Variants in NEUROG1 observed in about 807,000 individuals in gnomAD.
The protein encoded by NEUROG1 is neurogenin 1.
Under a neutral mutation model 5.7 loss-of-function variants are expected in NEUROG1, and 5 were observed. The ratio of observed to expected loss-of-function variants is 0.88; its 90% confidence interval spans 0.46 to 1.85. NEUROG1 has a LOEUF of 1.85. Ranked by LOEUF, NEUROG1 falls within the 40% of genes most tolerant of loss-of-function variation. NEUROG1 has a pLI of 0.01. For synonymous variants in NEUROG1, 196 were observed against 157.4 expected (o/e 1.25, Z -1.84); for missense variants, 403 against 345.7 (o/e 1.17, Z -1.32).
rs1438204264 is a variant in NEUROG1 at position 135,534,447 on chromosome 5, A to G, written c.*530T>C. 1.9e-5 allele frequency: 3 copies of G among 154,926 alleles called. No homozygotes were observed. The East Asian group carries it at 5.8e-4, about 30-fold the overall frequency. 9.6% of individuals were successfully genotyped at this position (154,926 alleles called of 1,614,324 possible). ...AGCCCTGTGCCTGAATAGCTAAGCA[A>G]GAGTCTCCAGTTCTTCCTAGAGCGA... On this transcript the variant is annotated 3_prime_UTR_variant, in exon 1 of 1. Transcript: ENST00000314744.
chr5:135,534,908 C>A lies in NEUROG1; in HGVS notation c.*69G>T. 4 of 1,475,314 alleles carry A rather than the reference C, an allele frequency of 2.7e-6. No individual in the cohort carries two copies. Among genetic ancestry groups the A allele is most frequent in the Non-Finnish European group, 3.7e-6 (4 of 1,090,068 alleles). 91.4% of individuals were successfully genotyped at this position (1,475,314 alleles called of 1,614,324 possible). A position where few individuals can be genotyped will look rare whatever the true frequency, so the allele number is the denominator to read the frequency against. The stretch of plus-strand genomic sequence containing the variant: ...TCCGCCTGGAGAGGGGGTCCCGAGG[C>A]GGCAGCTGGGGCCCCATCTATTGCC... On this transcript the variant is annotated 3_prime_UTR_variant, in exon 1 of 1. Transcript: ENST00000314744.
In NEUROG1 at chr5:135,535,960, GT is replaced by G. The variant is rs1561731368; in HGVS notation, c.-271del. The stretch of plus-strand genomic sequence containing the variant: ...AGATCAGCTCGTGTGAGCACCGAGT[GT>G]GGCACACGACTGGCCTCAGGACCCC... On this transcript the variant is annotated 5_prime_UTR_variant, in exon 1 of 1. Coordinates refer to ENST00000314744, the MANE Select transcript of NEUROG1 (RefSeq NM_006161.3). The G allele has an allele frequency of 2.6e-6, 1 of 382,862 alleles. No homozygotes were observed. The highest frequency in any genetic ancestry group is 4.6e-6 in the Non-Finnish European group (1 of 215,282). 23.7% of individuals were successfully genotyped at this position (382,862 alleles called of 1,614,324 possible).
Position 135,535,144 on chromosome 5 carries a change from C to A in NEUROG1, c.547G>T (p.Ala183Ser). 2 of 1,608,616 alleles carry A rather than the reference C, an allele frequency of 1.2e-6. No homozygotes were observed. Among genetic ancestry groups the A allele is most frequent in the Non-Finnish European group, 1.7e-6 (2 of 1,177,574 alleles). Residue 183 changes from alanine (A) to serine (S), a missense_variant, in exon 1 of 1, where the codon GCG becomes TCG. Physicochemically the swap from Ala to Ser is moderately conservative, Grantham distance 99. Coordinates refer to ENST00000314744, the MANE Select transcript of NEUROG1 (RefSeq NM_006161.3). ...GCGGCACCTGAGCCCCAGGACTCCG[C>A]GTCGCTGGCGGGGCTTGGGGGACCG... ...LPGPPSPASDAESWGSGAAAA... is the reference protein window; with the variant it reads ...LPGPPSPASDSESWGSGAAAA...
chr5:135,535,111 AGGC>A lies in NEUROG1; in HGVS notation c.577_579del (p.Ala193del). 2 of 1,610,698 alleles carry A rather than the reference AGGC, an allele frequency of 1.2e-6. No homozygotes were observed. The highest frequency in any genetic ancestry group is 1.7e-6 in the Non-Finnish European group (2 of 1,178,678). On this transcript the variant is annotated inframe_deletion, in exon 1 of 1. Coordinates refer to ENST00000314744, the MANE Select transcript of NEUROG1 (RefSeq NM_006161.3). ...GGGCTACTGGGGTCAGAGAGCGGGG[AGGC>A]GGCGGCGGCACCTGAGCCCCAGGAC...
chr5:135,535,001 C>T lies in NEUROG1; in HGVS notation c.690G>A (p.Thr230=), dbSNP rs748289071. ...CCTAGTGGTAAGGAATGAAACAGGG[C>T]GTTGTGTGGAGCAAGTCTTTGGGCA... The part of the protein sequence containing the change: ...PSLPKDLLHT[T]PCFIPYH The change falls in exon 1 of 1, where the codon ACG becomes ACA. Residue 230 remains threonine, a synonymous_variant. Transcript: ENST00000314744. 2.5e-5 allele frequency: 41 copies of T among 1,613,838 alleles called. No individual in the cohort carries two copies. Among genetic ancestry groups the T allele is most frequent in the Non-Finnish European group, 3.1e-5 (37 of 1,179,878 alleles).
At position 135,535,946 on chromosome 5, in the gene NEUROG1, T is replaced by C; in HGVS notation, c.-256A>G. ...TGTCGCCGGCGATCAGATCAGCTCG[T>C]GTGAGCACCGAGTGTGGCACACGAC... On this transcript the variant is annotated 5_prime_UTR_variant, in exon 1 of 1. Coordinates refer to ENST00000314744, the MANE Select transcript of NEUROG1 (RefSeq NM_006161.3). 2.5e-6 allele frequency: 1 copy of C among 405,988 alleles called. No individual in the cohort carries two copies. The highest frequency in any genetic ancestry group is 7.5e-5 in the South Asian group (1 of 13,314). 25.1% of individuals were successfully genotyped at this position (405,988 alleles called of 1,614,324 possible).
In NEUROG1 at chr5:135,534,284, ATT is replaced by A. The variant is rs543926958; in HGVS notation, c.*691_*692del. 1.2e-4 allele frequency: 19 copies of A among 152,758 alleles called. No individual in the cohort carries two copies. In the East Asian group the frequency reaches 3.7e-3, roughly 29 times the overall value. 9.5% of individuals were successfully genotyped at this position (152,758 alleles called of 1,614,324 possible). A position where few individuals can be genotyped will look rare whatever the true frequency, so the allele number is the denominator to read the frequency against. ...TATTAGGCAAGAAACTTGGCGACTT[ATT>A]TTTAGTTTTTATTTACATGAAGCGT... is the stretch of plus-strand genomic sequence containing the variant. On this transcript the variant is annotated 3_prime_UTR_variant, in exon 1 of 1. Coordinates refer to ENST00000314744, the MANE Select transcript of NEUROG1 (RefSeq NM_006161.3).
chr5:135,535,702 G>A lies in NEUROG1; in HGVS notation c.-12C>T. The A allele has an allele frequency of 6.6e-7, 1 of 1,519,956 alleles. No individual in the cohort carries two copies. The highest frequency in any genetic ancestry group is 8.8e-7 in the Non-Finnish European group (1 of 1,138,676). The allele number at this position is 1,519,956 out of a possible 1,614,324, so 94.2% of individuals were successfully genotyped here. ...AGGCGGGCTGGCATCGTTGCGCTGT[G>A]CAGGACCGACGGACAGATAGAAAGG... On this transcript the variant is annotated 5_prime_UTR_variant, in exon 1 of 1. Coordinates refer to ENST00000314744, the MANE Select transcript of NEUROG1 (RefSeq NM_006161.3).
In NEUROG1 at chr5:135,535,022, G is replaced by C. The variant is rs1476105921; in HGVS notation, c.669C>G (p.Pro223=). 3.1e-6 allele frequency: 5 copies of C among 1,614,084 alleles called. No individual in the cohort carries two copies. In the East Asian group the frequency reaches 1.1e-4, roughly 36 times the overall value. ...AGGGCGTTGTGTGGAGCAAGTCTTT[G>C]GGCAGGCTTGGGAAGGAGAAAACAG... ...GDPVFSFPSL[P]KDLLHTTPCF... is the part of the protein sequence containing the mutation. Residue 223 remains proline (P), a synonymous_variant, in exon 1 of 1, where the codon CCC becomes CCG. Coordinates refer to ENST00000314744, the MANE Select transcript of NEUROG1 (RefSeq NM_006161.3).
chr5:135,535,793 C>CCCAGGCTGT lies in NEUROG1; in HGVS notation c.-104_-103insACAGCCTGG. 1.8e-6 allele frequency: 2 copies of CCCAGGCTGT among 1,123,952 alleles called. No homozygotes were observed. The highest frequency in any genetic ancestry group is 2.5e-6 in the Non-Finnish European group (2 of 809,520). The allele number at this position is 1,123,952 out of a possible 1,614,324, so 69.6% of individuals were successfully genotyped here. A position where few individuals can be genotyped will look rare whatever the true frequency, so the allele number is the denominator to read the frequency against. ...AGGGCGCACTTACGTTCCCAACAGC[C>CCCAGGCTGT]TGGGGTTGTTACTCTGTGCCAGTTG... is the stretch of plus-strand genomic sequence containing the variant. On this transcript the variant is annotated 5_prime_UTR_variant, in exon 1 of 1. Coordinates refer to ENST00000314744, the MANE Select transcript of NEUROG1 (RefSeq NM_006161.3).
chr5:135,535,810 T>G lies in NEUROG1; in HGVS notation c.-120A>C. 1.0e-6 allele frequency: 1 copy of G among 980,970 alleles called. No homozygotes were observed. Among genetic ancestry groups the G allele is most frequent in the Non-Finnish European group, 1.5e-6 (1 of 689,366 alleles). The allele number at this position is 980,970 out of a possible 1,614,324, so 60.8% of individuals were successfully genotyped here. On this transcript the variant is annotated 5_prime_UTR_variant, in exon 1 of 1. Transcript: ENST00000314744. ...CCAACAGCCTGGGGTTGTTACTCTGTGCCAGTTGCGGGTGCGAGAGCCTGG... is the reference window on the plus strand; with the variant it reads ...CCAACAGCCTGGGGTTGTTACTCTGGGCCAGTTGCGGGTGCGAGAGCCTGG...
In NEUROG1 at chr5:135,535,210, G is replaced by C. The variant is rs1280323656; in HGVS notation, c.481C>G (p.Arg161Gly). The change falls in exon 1 of 1, where the codon CGG becomes GGG. Residue 161 changes from arginine to glycine, a missense_variant. Coordinates refer to ENST00000314744, the MANE Select transcript of NEUROG1 (RefSeq NM_006161.3). Reference protein sequence around the residue: ...ADQGLPGGGARERLLPPQCVP... With the variant: ...ADQGLPGGGAGERLLPPQCVP... ...CACTGCGGCGGCAGGAGGCGCTCCC[G>C]GGCACCGCCTCCGGGCAGCCCTTGA... 6.2e-7 allele frequency: 1 copy of C among 1,611,220 alleles called. No homozygotes were observed. The highest frequency in any genetic ancestry group is 8.5e-7 in the Non-Finnish European group (1 of 1,179,034).
Position 135,535,311 on chromosome 5 carries a change from T to C in NEUROG1, c.380A>G (p.Lys127Arg), listed in dbSNP as rs975241620. Residue 127 changes from lysine (K) to arginine (R), a missense_variant, in exon 1 of 1, where the codon AAG becomes AGG. Coordinates refer to ENST00000314744, the MANE Select transcript of NEUROG1 (RefSeq NM_006161.3). ...SVLPSFPDDT[K>R]LTKIETLRFA... is the part of the protein sequence containing the mutation. The stretch of plus-strand genomic sequence containing the variant: ...GCGCAGCGTCTCGATTTTGGTGAGC[T>C]TGGTGTCGTCGGGGAACGAGGGCAG... 1 of 1,613,560 alleles carries C rather than the reference T, an allele frequency of 6.2e-7. No individual in the cohort carries two copies. The highest frequency in any genetic ancestry group is 8.5e-7 in the Non-Finnish European group (1 of 1,179,670).
At position 135,535,346 on chromosome 5, in the gene NEUROG1, C is replaced by G; in HGVS notation, c.345G>C (p.Leu115=). 7 of 1,613,350 alleles carry G rather than the reference C, an allele frequency of 4.3e-6. No individual in the cohort carries two copies. The highest frequency in any genetic ancestry group is 5.9e-6 in the Non-Finnish European group (7 of 1,179,612). ...CGGGGAACGAGGGCAGCACGCTGCG[C>G]AGTGCGTCCAGGGCCGCGTTCAAGT... The part of the protein sequence containing the change: ...MHNLNAALDA[L]RSVLPSFPDD... Residue 115 remains leucine, a synonymous_variant, in exon 1 of 1, where the codon CTG becomes CTC. Coordinates refer to ENST00000314744, the MANE Select transcript of NEUROG1 (RefSeq NM_006161.3).
Position 135,535,351 on chromosome 5 carries a change from C to A in NEUROG1, c.340G>T (p.Ala114Ser), listed in dbSNP as rs372347435. The A allele has an allele frequency of 2.5e-6, 4 of 1,613,058 alleles. No homozygotes were observed. The highest frequency in any genetic ancestry group is 3.4e-6 in the Non-Finnish European group (4 of 1,179,562). The change falls in exon 1 of 1, where the codon GCA becomes TCA. Residue 114 changes from alanine to serine, a missense_variant. Physicochemically the swap from Ala to Ser is moderately conservative, Grantham distance 99 (BLOSUM62 1). Transcript: ENST00000314744. ...RMHNLNAALD[A>S]LRSVLPSFPD... ...AACGAGGGCAGCACGCTGCGCAGTG[C>A]GTCCAGGGCCGCGTTCAAGTTGTGC... is the stretch of plus-strand genomic sequence containing the variant.
In NEUROG1 at chr5:135,534,726, T is replaced by C; in HGVS notation, c.*251A>G. ...AGTCACAAAGGAGGTTTTGTGGAGT[T>C]CAGAAAGTGCAAAAGGAAAGGCCGT... On this transcript the variant is annotated 3_prime_UTR_variant, in exon 1 of 1. Coordinates refer to ENST00000314744, the MANE Select transcript of NEUROG1 (RefSeq NM_006161.3). 1 of 516,208 alleles carries C rather than the reference T, an allele frequency of 1.9e-6. No individual in the cohort carries two copies. The highest frequency in any genetic ancestry group is 3.4e-6 in the Non-Finnish European group (1 of 294,860). The allele number at this position is 516,208 out of a possible 1,614,324, so 32.0% of individuals were successfully genotyped here. A position where few individuals can be genotyped will look rare whatever the true frequency, so the allele number is the denominator to read the frequency against.
chr5:135,535,328 C>G lies in NEUROG1; in HGVS notation c.363G>C (p.Ser121=). 1 of 1,613,528 alleles carries G rather than the reference C, an allele frequency of 6.2e-7. No individual in the cohort carries two copies. Among genetic ancestry groups the G allele is most frequent in the African/African-American group, 1.3e-5 (1 of 75,018 alleles). The change falls in exon 1 of 1, where the codon TCG becomes TCC. Residue 121 remains serine (S), a synonymous_variant. Transcript: ENST00000314744. ...TGGTGAGCTTGGTGTCGTCGGGGAA[C>G]GAGGGCAGCACGCTGCGCAGTGCGT... ...ALDALRSVLP[S]FPDDTKLTKI... is the part of the protein sequence containing the mutation.
chr5:135,535,205 C>T lies in NEUROG1; in HGVS notation c.486G>A (p.Glu162=). The T allele has an allele frequency of 6.2e-7, 1 of 1,610,812 alleles. No individual in the cohort carries two copies. The highest frequency in any genetic ancestry group is 8.5e-7 in the Non-Finnish European group (1 of 1,178,826). The change falls in exon 1 of 1, where the codon GAG becomes GAA. Residue 162 remains glutamate, a synonymous_variant. Coordinates refer to ENST00000314744, the MANE Select transcript of NEUROG1 (RefSeq NM_006161.3). ...GGACGCACTGCGGCGGCAGGAGGCG[C>T]TCCCGGGCACCGCCTCCGGGCAGCC... The part of the protein sequence containing the change: ...DQGLPGGGAR[E]RLLPPQCVPC...
Position 135,535,014 on chromosome 5 carries a change from A to T in NEUROG1, c.677T>A (p.Leu226Ter). Residue 226 changes from leucine (L) to a stop codon, truncating the protein, a stop_gained, in exon 1 of 1, where the codon TTG becomes TAG. Coordinates refer to ENST00000314744, the MANE Select transcript of NEUROG1 (RefSeq NM_006161.3). LOFTEE classifies it high-confidence loss of function. Reference sequence around the variant, plus strand: ...AATGAAACAGGGCGTTGTGTGGAGCAAGTCTTTGGGCAGGCTTGGGAAGGA... The same window carrying T: ...AATGAAACAGGGCGTTGTGTGGAGCTAGTCTTTGGGCAGGCTTGGGAAGGA... ...VFSFPSLPKD[L>*]LHTTPCFIPY... 6.2e-7 allele frequency: 1 copy of T among 1,614,034 alleles called. No individual in the cohort carries two copies. The highest frequency in any genetic ancestry group is 8.5e-7 in the Non-Finnish European group (1 of 1,179,962).
Sources: gnomAD v4.1 joint callset for allele counts on GRCh38, gnomAD v4.1.1 for gene constraint, MANE v1.5 for transcripts, NCBI Gene and HGNC (gene_info 2026-07-23, HGNC 2026-07-21) for gene names.